The following PCCB variants were observed in gnomAD, a reference collection of about 807,000 sequenced individuals.
PCCB encodes the protein propionyl-CoA carboxylase subunit beta.
A neutral mutation model predicts 60.7 loss-of-function variants in PCCB; 43 were observed. The ratio of observed to expected loss-of-function variants is 0.71; its 90% CI spans 0.55 to 0.91. The LOEUF (loss-of-function observed/expected upper bound fraction) is 0.91, where lower values mean the gene tolerates loss of function less well. Among genes scored for constraint, PCCB ranks in the 40% least tolerant of loss-of-function variants. The pLI, the probability that PCCB is intolerant of heterozygous loss-of-function variation, is 0.00. For missense variants in PCCB, 766 were observed against 702.8 expected, an observed-to-expected ratio of 1.09 and a Z score of -1.02; for synonymous variants, 276 against 255.9, an observed-to-expected ratio of 1.08 and a Z score of -0.75.
intron 5 of PCCB, among the ~76,000 whole-genome samples, chr3:136,269,057 G>T (rs934290428): frequency 6.6e-6 from 1 of 151,932 alleles, no homozygotes; most frequent in African/African-American, 2.4e-5. Flanking sequence ...AAGGCAGGGG[G>T]ATCACCTGAG....
intron 6 of PCCB, among the ~76,000 whole-genome samples, chr3:136,293,276 TA>T (rs1194213896): frequency 3.9e-5 from 6 of 152,242 alleles, no homozygotes; most frequent in African/African-American, 1.4e-4. Context: ...GTGTTGGGAT[TA>T]CAGATGTGAG....
At chr3:136,300,946 C>A in intron 8 of PCCB, 84 bp from the exon 9 acceptor site, 8 of 958,260 alleles carry the variant, frequency 8.3e-6, no homozygotes, top group South Asian at 1.3e-5. Context: ...TGACGTGTCA[C>A]CCCATTTCCT....
At chr3:136,265,664 T>TA (rs1941964326) in intron 5 of PCCB, among the ~76,000 whole-genome samples, 1 of 152,184 alleles carries the variant, frequency 6.6e-6, no homozygotes, top group African/African-American at 2.4e-5. Context: ...GATAGGTACC[T>TA]AAGAGTGGGA....
At chr3:136,259,551 T>G (rs948013172) in intron 3 of PCCB, among the ~76,000 whole-genome samples, 15 of 152,098 alleles carry the variant, frequency 9.9e-5, no homozygotes. Context: ...GATATTAGAG[T>G]TAATTCTGTG....
intron 5 of PCCB, among the ~76,000 whole-genome samples, chr3:136,263,257 T>TTG: frequency 6.9e-6 from 1 of 145,086 alleles, no homozygotes; most frequent in South Asian, 2.2e-4. Context: ...CCAGCTGGTT[T>TTG]TTTTTTTTTT....
intron 9 of PCCB, among the ~76,000 whole-genome samples, chr3:136,309,159 A>C (rs1318950972): frequency 2.0e-5 from 3 of 150,704 alleles, no homozygotes; most frequent in African/African-American, 7.3e-5. Context: ...GGTACTCAGG[A>C]GGCTGAGACA....
chr3:136,314,029 G>A (rs1470951465), intron 9 of PCCB, among the ~76,000 whole-genome samples: 2 of 144,300 alleles, frequency 1.4e-5, no homozygotes, highest in Non-Finnish European at 3.1e-5. Context: ...GTTTTAGAAG[G>A]AGTCACACAC....
chr3:136,308,522 G>T (rs1441863880), intron 9 of PCCB, among the ~76,000 whole-genome samples: 1 of 152,320 alleles, frequency 6.6e-6, no homozygotes, highest in African/African-American at 2.4e-5. Flanking sequence ...ACACAGCATT[G>T]TTATTACAAA....
At chr3:136,300,963 C>T (rs1341350789) in intron 8 of PCCB, 67 bp from the exon 9 acceptor site, 2 of 1,195,106 alleles carry the variant, frequency 1.7e-6, no homozygotes, top group Non-Finnish European at 2.5e-6. Flanking sequence ...TCCTTTCCCA[C>T]CCCATTCCCA....
chr3:136,283,951 A>G lies in PCCB; in HGVS notation c.654+4A>G. The G allele has an allele frequency of 6.3e-7, 1 of 1,577,146 alleles. No homozygotes were observed. The highest frequency in any genetic ancestry group is 8.7e-7 in the Non-Finnish European group (1 of 1,146,576). ...AGACTTCACGTTCATGGTAAAGGTA[A>G]GAAAGAAGGGCCTGTTTTTGGTGCC... On this transcript the variant is annotated splice_donor_region_variant and intron_variant, in intron 6 of 14. Transcript: ENST00000251654.
At chr3:136,268,090 A>G (rs774590806) in intron 5 of PCCB, among the ~76,000 whole-genome samples, 22,189 of 59,770 alleles carry the variant, frequency 0.37, 2,525 homozygotes, top group Non-Finnish European at 0.42. Context: ...GTGTGTAGAT[A>G]TATATATATA....
At chr3:136,290,984 A>G (rs534320005) in intron 6 of PCCB, among the ~76,000 whole-genome samples, 1 of 152,042 alleles carries the variant, frequency 6.6e-6, no homozygotes, top group East Asian at 1.9e-4. Context: ...AAGCATGCCC[A>G]GTCTACCAAA....
chr3:136,312,234 C>T (rs1934696658), intron 9 of PCCB, among the ~76,000 whole-genome samples: 2 of 152,208 alleles, frequency 1.3e-5, no homozygotes, highest in African/African-American at 4.8e-5. Flanking sequence ...GAGTGTACTT[C>T]CACAAACCTA....
At chr3:136,322,517 T>C (rs538476729) in intron 10 of PCCB, among the ~76,000 whole-genome samples, 11 of 152,222 alleles carry the variant, frequency 7.2e-5, no homozygotes, top group Non-Finnish European at 1.2e-4. Context: ...CTGGAAAAGA[T>C]TGTAGAGAAC....
intron 1 of PCCB, among the ~76,000 whole-genome samples, chr3:136,252,879 A>AGT (rs753615673): frequency 1.4e-5 from 2 of 145,932 alleles, no homozygotes; most frequent in Non-Finnish European, 3.0e-5. Flanking sequence ...TTTACATGAC[A>AGT]GTGTATAGGA....
At chr3:136,265,830 GT>G (rs112091595) in intron 5 of PCCB, among the ~76,000 whole-genome samples, 2,187 of 141,454 alleles carry the variant, frequency 0.015, 27 homozygotes, top group East Asian at 0.049. Context: ...GTCTTTTTTT[GT>G]TTTTTTTTTT....
At chr3:136,307,631 TAAAAA>T (rs71157372) in intron 9 of PCCB, among the ~76,000 whole-genome samples, 4 of 147,328 alleles carry the variant, frequency 2.7e-5, no homozygotes, top group South Asian at 2.1e-4. Flanking sequence ...AGGGGAAAAA[TAAAAA>T]AAAAGGTAAA....
intron 10 of PCCB, among the ~76,000 whole-genome samples, chr3:136,321,282 C>G (rs1935099440): frequency 6.6e-6 from 1 of 152,214 alleles, no homozygotes. Flanking sequence ...CTCCCACATG[C>G]ACACATGCAC....
At chr3:136,328,933 C>G (rs955983997) in intron 14 of PCCB, 76 bp downstream of exon 14, 2 of 1,204,390 alleles carry the variant, frequency 1.7e-6, no homozygotes, top group Admixed American at 1.7e-5. Context: ...GAAATTGTCA[C>G]ATAACTGCCT....
Sources: gnomAD v4.1 joint callset for allele counts (sites outside exome capture counted in the v4.1 genomes callset) on GRCh38, gnomAD v4.1.1 for gene constraint, MANE v1.5 for transcripts, NCBI Gene and HGNC (gene_info 2026-07-23, HGNC 2026-07-21) for gene names.